The following GLT8D2 variants were observed in gnomAD, a reference collection of about 807,000 sequenced individuals.
GLT8D2 encodes glycosyltransferase 8 domain-containing protein 2.
In GLT8D2, 45 loss-of-function variants were observed where a neutral mutation model predicts 44.5. The ratio of observed to expected loss-of-function variants is 1.01; its 90% CI spans 0.80 to 1.30. GLT8D2 has a LOEUF of 1.30. GLT8D2 is among the 50% of genes most tolerant of loss of function. The pLI is 0.00. For missense variants in GLT8D2, 400 were observed against 430.4 expected (o/e 0.93, Z 0.62); for synonymous variants, 156 against 157.2 (o/e 0.99, Z 0.06).
At chr12:104,037,379 G>A (rs1021423168) in intron 1 of GLT8D2, among the ~76,000 whole-genome samples, 5 of 152,048 alleles carry the variant, frequency 3.3e-5, no homozygotes, top group Admixed American at 1.3e-4. Context: ...CCAGGAGCTG[G>A]TTTTTTGAAA....
chr12:104,016,020 C>T (rs1419861520), intron 3 of GLT8D2, among the ~76,000 whole-genome samples: 1 of 152,190 alleles, frequency 6.6e-6, no homozygotes, highest in Non-Finnish European at 1.5e-5. Flanking sequence ...AACGTATCAT[C>T]TGCAAACAGG....
intron 4 of GLT8D2, among the ~76,000 whole-genome samples, chr12:104,005,107 A>T (rs1009458562): frequency 1.3e-5 from 2 of 152,242 alleles, no homozygotes; most frequent in Non-Finnish European, 2.9e-5. Flanking sequence ...TCTTTGACAA[A>T]CCTGACAAAA....
intron 1 of GLT8D2, among the ~76,000 whole-genome samples, chr12:104,034,301 G>A (rs1879687116): frequency 6.6e-6 from 1 of 152,250 alleles, no homozygotes; most frequent in African/African-American, 2.4e-5. Context: ...GACAGTGGGT[G>A]CAGCCCACAG....
At chr12:104,055,503 C>T (rs1474245908) in intron 1 of GLT8D2, among the ~76,000 whole-genome samples, 1 of 152,152 alleles carries the variant, frequency 6.6e-6, no homozygotes, top group East Asian at 1.9e-4. Context: ...GAAAATAAAC[C>T]CTTAAGTGGT....
chr12:103,998,879 C>G (rs558875928), intron 6 of GLT8D2, among the ~76,000 whole-genome samples: 1 of 152,256 alleles, frequency 6.6e-6, no homozygotes, highest in South Asian at 2.1e-4. Flanking sequence ...GAGAGGGTCC[C>G]TTTTGTAAGA....
At chr12:103,997,787 C>G (rs1305311473) in intron 6 of GLT8D2, among the ~76,000 whole-genome samples, 1 of 152,152 alleles carries the variant, frequency 6.6e-6, no homozygotes, top group African/African-American at 2.4e-5. Context: ...AGGCTGTTGC[C>G]ACTTTCATCT....
chr12:104,012,018 A>G (rs1875895728), intron 4 of GLT8D2, among the ~76,000 whole-genome samples: 1 of 151,672 alleles, frequency 6.6e-6, no homozygotes, highest in Non-Finnish European at 1.5e-5. Flanking sequence ...CTAAAAATAC[A>G]AAATTAGCCA....
chr12:104,032,487 A>AAAAAAAAAAAAAAAAAAG (rs1879403895), intron 1 of GLT8D2, among the ~76,000 whole-genome samples: 1 of 140,766 alleles, frequency 7.1e-6, no homozygotes, highest in African/African-American at 2.7e-5. Flanking sequence ...AAAAAAAAAA[A>AAAAAAAAAAAAAAAAAAG]AAAATAGGCA....
intron 4 of GLT8D2, among the ~76,000 whole-genome samples, chr12:104,004,719 T>A (rs970478296): frequency 3.9e-5 from 6 of 152,070 alleles, no homozygotes; most frequent in Middle Eastern, 3.4e-3. Flanking sequence ...CACTGCCTCA[T>A]CGAAATAAAA....
intron 1 of GLT8D2, among the ~76,000 whole-genome samples, chr12:104,060,899 G>A (rs1882589020): frequency 6.6e-6 from 1 of 151,926 alleles, no homozygotes; most frequent in South Asian, 2.1e-4. Flanking sequence ...CTCCAACCTG[G>A]ATGACAGAGC....
At position 104,031,410 on chromosome 12, in the gene GLT8D2, C is replaced by A. The variant is rs922829250; in HGVS notation, c.-163-9919G>T. On this transcript the variant is annotated intron_variant, in intron 1 of 10. Transcript: ENST00000360814. ...GAGGCTATCATGGAGCTGAACCTGC[C>A]GACTGGTATTCCCATTGTCTATGAA... 25 of 1,610,440 alleles carry A rather than the reference C, an allele frequency of 1.6e-5. No homozygotes were observed. The East Asian group carries it at 5.4e-4, about 35-fold the overall frequency.
chr12:104,004,542 T>TA (rs1874708060), intron 4 of GLT8D2, among the ~76,000 whole-genome samples: 1 of 152,114 alleles, frequency 6.6e-6, no homozygotes, highest in South Asian at 2.1e-4. Flanking sequence ...TCTCAGGATA[T>TA]AAAATCAATG....
chr12:104,026,784 G>C (rs1878634695), intron 1 of GLT8D2, among the ~76,000 whole-genome samples: 1 of 152,142 alleles, frequency 6.6e-6, no homozygotes, highest in Non-Finnish European at 1.5e-5. Context: ...CACAAAAAAA[G>C]TTAATTTGCC....
At chr12:104,020,127 G>T (rs1566201438) in intron 2 of GLT8D2, among the ~76,000 whole-genome samples, 1 of 151,814 alleles carries the variant, frequency 6.6e-6, no homozygotes, top group South Asian at 2.1e-4. Context: ...TTGCCATGTT[G>T]CCCAGGCTGG....
chr12:104,028,183 C>T (rs776636236), intron 1 of GLT8D2, among the ~76,000 whole-genome samples: 3 of 152,116 alleles, frequency 2.0e-5, no homozygotes, highest in Admixed American at 6.6e-5. Flanking sequence ...GGTAAGTTCC[C>T]GAAGCTGATT....
Position 103,997,914 on chromosome 12 carries a change from T to TACACACACACAC in GLT8D2, c.403-391_403-380dup, listed in dbSNP as rs59719067. Reference sequence around the variant, plus strand: ...AATTGTCAATTAAATCAGCCTTAAATACACACACACACACACACACACACA... The same window carrying TACACACACACAC: ...AATTGTCAATTAAATCAGCCTTAAATACACACACACACACACACACACACACACACACACACA... On this transcript the variant is annotated intron_variant, in intron 6 of 10. Coordinates refer to ENST00000360814, the MANE Select transcript of GLT8D2 (RefSeq NM_001384711.1). Among the ~76,000 whole-genome samples, 153 of 146,156 alleles carry TACACACACACAC rather than the reference T, an allele frequency of 1.0e-3. 1 individual carries two copies. The highest frequency in any genetic ancestry group is 1.5e-3 in the Non-Finnish European group (98 of 66,970).
rs920891666 is a variant in GLT8D2 at position 104,015,236 on chromosome 12, C to T, written c.20-131G>A. ...GTGGTATCTGAGACCTTTCTATAAG[C>T]AGACAGCATATAGAATAAAGAATTA... On this transcript the variant is annotated intron_variant, in intron 3 of 10. Transcript: ENST00000360814. The T allele has an allele frequency of 7.7e-6, 5 of 650,310 alleles. No individual in the cohort carries two copies. The Admixed American group carries it at 1.2e-4, about 16-fold the overall frequency. The allele number at this position is 650,310 out of a possible 1,614,324, so 40.3% of individuals were successfully genotyped here.
chr12:104,052,230 A>G (rs1407778050), upstream of GLT8D2, among the ~76,000 whole-genome samples: 1 of 152,202 alleles, frequency 6.6e-6, no homozygotes, highest in Non-Finnish European at 1.5e-5. Context: ...ATTCTAAAGG[A>G]TTTAGTAGGG....
chr12:104,007,090 A>T (rs1358230025), intron 4 of GLT8D2, among the ~76,000 whole-genome samples: 2 of 152,214 alleles, frequency 1.3e-5, no homozygotes, highest in Non-Finnish European at 2.9e-5. Context: ...TATTCTTTTG[A>T]GCCTGGCTAT....
Sources: gnomAD v4.1 joint callset for allele counts (sites outside exome capture counted in the v4.1 genomes callset) on GRCh38, gnomAD v4.1.1 for gene constraint, MANE v1.5 for transcripts, NCBI Gene and HGNC (gene_info 2026-07-23, HGNC 2026-07-21) for gene names.